Variants in WWTR1 observed in about 807,000 individuals in gnomAD.
The protein encoded by WWTR1 is WW domain-containing transcription regulator protein 1.
WWTR1 carries 13 observed loss-of-function variants against 40.1 expected under a neutral mutation model. That is an observed-to-expected ratio of 0.32 (90% confidence interval 0.21 to 0.52). The LOEUF is 0.52. Ranked by LOEUF, WWTR1 falls within the 20% of genes least tolerant of loss-of-function variation. The pLI is 0.97. For missense variants in WWTR1, 436 were observed against 523.1 expected, an observed-to-expected ratio of 0.83 and a Z score of 1.63; for synonymous variants, 230 against 210.1, an observed-to-expected ratio of 1.09 and a Z score of -0.82.
intron 5 of WWTR1, among the ~76,000 whole-genome samples, chr3:149,712,872 G>A (rs938726155): frequency 3.9e-5 from 6 of 152,144 alleles, no homozygotes; most frequent in Non-Finnish European, 8.8e-5. Flanking sequence ...CAAAATAACT[G>A]CAAGATATAG....
chr3:149,708,362 G>A (rs571716199), intron 5 of WWTR1, among the ~76,000 whole-genome samples: 4 of 152,110 alleles, frequency 2.6e-5, no homozygotes, highest in Non-Finnish European at 5.9e-5. Flanking sequence ...ATTTTGAAGT[G>A]TACAGTTCAG....
At chr3:149,565,322 G>A (rs1242201669) in intron 3 of WWTR1, among the ~76,000 whole-genome samples, 1 of 149,952 alleles carries the variant, frequency 6.7e-6, no homozygotes, top group Non-Finnish European at 1.5e-5. Context: ...TTTTTTTAAG[G>A]AAAATTGTGG....
chr3:149,683,583 A>G (rs1224178436), intron 1 of WWTR1, among the ~76,000 whole-genome samples: 1 of 152,210 alleles, frequency 6.6e-6, no homozygotes, highest in African/African-American at 2.4e-5. Context: ...AATCCCAGCT[A>G]CTCAGGAGGC....
chr3:149,716,125 G>C (rs1406340254), intron 5 of WWTR1, among the ~76,000 whole-genome samples: 4 of 152,170 alleles, frequency 2.6e-5, no homozygotes, highest in African/African-American at 9.7e-5. Flanking sequence ...GCTCATGCCT[G>C]TAATCCCAGC....
At chr3:149,638,034 G>A (rs1443036976) in intron 2 of WWTR1, among the ~76,000 whole-genome samples, 1 of 152,066 alleles carries the variant, frequency 6.6e-6, no homozygotes, top group Non-Finnish European at 1.5e-5. Context: ...TGACCAATAT[G>A]GTGAAACCCC....
intron 2 of WWTR1, among the ~76,000 whole-genome samples, chr3:149,645,668 A>G (rs1193176237): frequency 6.6e-6 from 1 of 152,254 alleles, no homozygotes; most frequent in Non-Finnish European, 1.5e-5. Flanking sequence ...ACACAGTTGC[A>G]GCCTCAACTA....
chr3:149,707,385 A>G (rs905481026), upstream of WWTR1, among the ~76,000 whole-genome samples: 9 of 152,180 alleles, frequency 5.9e-5, no homozygotes, highest in Admixed American at 2.6e-4. Context: ...TGGTGACTTA[A>G]TAGGGACACA....
At chr3:149,570,716 C>T (rs1476996021) in intron 3 of WWTR1, among the ~76,000 whole-genome samples, 1 of 152,050 alleles carries the variant, frequency 6.6e-6, no homozygotes, top group African/African-American at 2.4e-5. Flanking sequence ...TTTACTAGTG[C>T]AATTGGACTT....
chr3:149,576,877 T>C (rs2108005182), intron 2 of WWTR1, among the ~76,000 whole-genome samples: 1 of 152,302 alleles, frequency 6.6e-6, no homozygotes, highest in South Asian at 2.1e-4. Context: ...AGAAAATTGA[T>C]GCATGAATAC....
chr3:149,532,439 T>A (rs1054238778), intron 4 of WWTR1, among the ~76,000 whole-genome samples: 4 of 151,690 alleles, frequency 2.6e-5, no homozygotes, highest in Non-Finnish European at 4.4e-5. Context: ...CAATTTTTTT[T>A]AAACAAGGAG....
intron 2 of WWTR1, among the ~76,000 whole-genome samples, chr3:149,605,445 T>C (rs1247371814): frequency 1.3e-5 from 2 of 152,104 alleles, no homozygotes; most frequent in African/African-American, 2.4e-5. Flanking sequence ...CTTGGAGGAC[T>C]GGATGTGATA....
At chr3:149,600,132 T>C (rs367849444) in intron 2 of WWTR1, among the ~76,000 whole-genome samples, 13 of 152,198 alleles carry the variant, frequency 8.5e-5, no homozygotes, top group African/African-American at 3.1e-4. Context: ...ATAAAGGACT[T>C]GAGCGTCGTC....
chr3:149,588,313 C>T lies in WWTR1; in HGVS notation c.432-15313G>A, dbSNP rs553388664. ...AGAACAACTAAGCAGAAAGGTGCAG[C>T]GGAGCCAGCAAACCAGCTCTTGAGT... On this transcript the variant is annotated intron_variant, in intron 2 of 6. Coordinates refer to ENST00000360632, the MANE Select transcript of WWTR1 (RefSeq NM_015472.6). 1.3e-4 allele frequency among the ~76,000 whole-genome samples: 20 copies of T among 152,288 alleles called. No homozygotes were observed. The South Asian group carries it at 2.7e-3, about 21-fold the overall frequency.
At chr3:149,693,109 GAACT>G (rs1333021191) in intron 1 of WWTR1, among the ~76,000 whole-genome samples, 5 of 152,092 alleles carry the variant, frequency 3.3e-5, no homozygotes, top group African/African-American at 7.2e-5. Flanking sequence ...AAAACAATTA[GAACT>G]AATAAACAAA....
intron 2 of WWTR1, among the ~76,000 whole-genome samples, chr3:149,627,233 T>G (rs1018994717): frequency 6.6e-6 from 1 of 152,220 alleles, no homozygotes; most frequent in African/African-American, 2.4e-5. Context: ...CAACCCTTCT[T>G]AGGGTAAACA....
At chr3:149,562,600 G>GACACACACACAC (rs60366789) in intron 3 of WWTR1, among the ~76,000 whole-genome samples, 12 of 135,880 alleles carry the variant, frequency 8.8e-5, no homozygotes, top group Admixed American at 5.9e-4. Flanking sequence ...TTAAAATACA[G>GACACACACACAC]ACACACACAC....
rs1236151258 is a variant in WWTR1 at position 149,517,347 on chromosome 3, C to T, written c.*3458G>A. On this transcript the variant is annotated 3_prime_UTR_variant, in exon 7 of 7. Transcript: ENST00000360632. ...TCGATTTGGCTGCATACTTTCGGTA[C>T]GTATAACATTCTAAACTTAAAATAG... The T allele has an allele frequency of 1.3e-5, 2 of 152,194 alleles. No homozygotes were observed. Among genetic ancestry groups the T allele is most frequent in the South Asian group, 2.1e-4 (1 of 4,820 alleles). 9.4% of individuals were successfully genotyped at this position (152,194 alleles called of 1,614,324 possible).
In WWTR1 at chr3:149,717,864, T is replaced by A. The variant is rs1052652567; in HGVS notation, n.460-298A>T. Among the ~76,000 whole-genome samples, 7 of 152,134 alleles carry A rather than the reference T, an allele frequency of 4.6e-5. 1 individual carries two copies. Among genetic ancestry groups the A allele is most frequent in the Admixed American group, 4.6e-4 (7 of 15,266 alleles). On this transcript the variant is annotated intron_variant and non_coding_transcript_variant, in intron 4 of 6. Transcript: ENST00000474080. ...TTAGTATTCACATGTTTTCTACTAC[T>A]CACAAGTAGTAAATACTTGTGAGTA...
At chr3:149,544,830 G>T (rs1027052794) in intron 3 of WWTR1, among the ~76,000 whole-genome samples, 1 of 152,188 alleles carries the variant, frequency 6.6e-6, no homozygotes, top group Admixed American at 6.5e-5. Context: ...TGTTGCTTGC[G>T]TTACTAAGAG....
Sources: allele counts gnomAD v4.1 joint callset (sites outside exome capture counted in the v4.1 genomes callset), GRCh38; gene constraint gnomAD v4.1.1; transcripts MANE v1.5; gene names NCBI Gene and HGNC (gene_info 2026-07-23, HGNC 2026-07-21).